HS6ST3: variants seen among roughly 807,000 people sequenced by gnomAD.
HS6ST3 encodes the protein heparan-sulfate 6-O-sulfotransferase 3.
HS6ST3 carries 12 observed loss-of-function variants against 36.7 expected under a neutral mutation model. The ratio of observed to expected loss-of-function variants is 0.33; its 90% confidence interval spans 0.21 to 0.53. The LOEUF is 0.53. Ranked by LOEUF, HS6ST3 falls within the 20% of genes least tolerant of loss-of-function variation. The pLI, the probability that HS6ST3 is intolerant of heterozygous loss-of-function variation, is 0.95. For missense variants in HS6ST3, 584 were observed against 640.9 expected, an observed-to-expected ratio of 0.91 and a Z score of 0.96; for synonymous variants, 240 against 257.5, an observed-to-expected ratio of 0.93 and a Z score of 0.65.
chr13:96,626,707 A>G (rs2056513615), intron 1 of HS6ST3, among the ~76,000 whole-genome samples: 1 of 152,074 alleles, frequency 6.6e-6, no homozygotes, highest in African/African-American at 2.4e-5. Context: ...TGACATTTCT[A>G]TCAAATTTTT....
At chr13:96,117,407 TAAAG>T in intron 1 of HS6ST3, among the ~76,000 whole-genome samples, 1 of 152,114 alleles carries the variant, frequency 6.6e-6, no homozygotes, top group Non-Finnish European at 1.5e-5. Flanking sequence ...ACATTTAAAA[TAAAG>T]AAAACCAGTT....
chr13:96,540,826 CAG>C (rs1195430829), intron 1 of HS6ST3, among the ~76,000 whole-genome samples: 1 of 152,158 alleles, frequency 6.6e-6, no homozygotes, highest in African/African-American at 2.4e-5. Context: ...AGATCTGACA[CAG>C]AGTCTTCCAC....
chr13:96,161,351 T>TGGGACGTGGAAGTGAAA (rs2054134950), intron 1 of HS6ST3, among the ~76,000 whole-genome samples: 1 of 152,106 alleles, frequency 6.6e-6, no homozygotes, highest in South Asian at 2.1e-4. Context: ...GACAAGTGAA[T>TGGGACGTGGAAGTGAAA]GGGACGTGGA....
chr13:96,754,097 G>A (rs2138494567), intron 1 of HS6ST3, among the ~76,000 whole-genome samples: 1 of 152,278 alleles, frequency 6.6e-6, no homozygotes, highest in South Asian at 2.1e-4. Context: ...GGGATTACAG[G>A]CGTGAGCCAC....
intron 1 of HS6ST3, among the ~76,000 whole-genome samples, chr13:96,159,863 A>G (rs1207982082): frequency 2.0e-5 from 3 of 152,176 alleles, no homozygotes; most frequent in Non-Finnish European, 4.4e-5. Flanking sequence ...CAGTGTCCAC[A>G]GTGGGTAGAA....
At chr13:96,706,824 T>C (rs1875440241) in intron 1 of HS6ST3, among the ~76,000 whole-genome samples, 1 of 152,126 alleles carries the variant, frequency 6.6e-6, no homozygotes, top group African/African-American at 2.4e-5. Flanking sequence ...TAGTTCTGAT[T>C]GTACCAATAG....
At chr13:96,641,826 G>T (rs1358028650) in intron 1 of HS6ST3, among the ~76,000 whole-genome samples, 2 of 151,572 alleles carry the variant, frequency 1.3e-5, no homozygotes, top group African/African-American at 2.4e-5. Flanking sequence ...TATTGTAAAA[G>T]AAATTATATA....
chr13:96,662,518 GTGT>G (rs775475644), intron 1 of HS6ST3, among the ~76,000 whole-genome samples: 202 of 854 alleles, frequency 0.24, 1 homozygote, highest in Middle Eastern at 0.5. Flanking sequence ...TGTATGGGGT[GTGT>G]GTGTGTGTGT....
chr13:96,388,196 A>G (rs2055377874), intron 1 of HS6ST3, among the ~76,000 whole-genome samples: 2 of 152,220 alleles, frequency 1.3e-5, no homozygotes, highest in South Asian at 4.1e-4. Context: ...TTGTGAACAA[A>G]TTCTATATGG....
chr13:96,535,557 C>CAAA (rs5805976), intron 1 of HS6ST3, among the ~76,000 whole-genome samples: 22 of 125,178 alleles, frequency 1.8e-4, no homozygotes, highest in Admixed American at 4.2e-4. Context: ...GACTCTGTTT[C>CAAA]AAAAAAAAAA....
chr13:96,343,997 C>T (rs1033018245), intron 1 of HS6ST3, among the ~76,000 whole-genome samples: 3 of 152,184 alleles, frequency 2.0e-5, no homozygotes, highest in Non-Finnish European at 4.4e-5. Flanking sequence ...CTGCCTCAGC[C>T]TTCCAAAGTG....
intron 1 of HS6ST3, among the ~76,000 whole-genome samples, chr13:96,582,415 T>A (rs1184910646): frequency 6.6e-6 from 1 of 152,204 alleles, no homozygotes; most frequent in African/African-American, 2.4e-5. Context: ...ATTTGCAAAG[T>A]TTATTAGTTC....
At chr13:96,681,410 C>A (rs2056717841) in intron 1 of HS6ST3, among the ~76,000 whole-genome samples, 4 of 152,046 alleles carry the variant, frequency 2.6e-5, no homozygotes, top group Admixed American at 2.0e-4. Context: ...TATGTCTTTT[C>A]ATTCCCACTG....
At chr13:96,233,077 T>G (rs1002370545) in intron 1 of HS6ST3, among the ~76,000 whole-genome samples, 2 of 152,210 alleles carry the variant, frequency 1.3e-5, no homozygotes, top group Non-Finnish European at 2.9e-5. Flanking sequence ...GATTGATACA[T>G]TGCCTTTTTA....
chr13:96,554,316 T>G (rs903515416), intron 1 of HS6ST3, among the ~76,000 whole-genome samples: 1 of 152,158 alleles, frequency 6.6e-6, no homozygotes, highest in Non-Finnish European at 1.5e-5. Context: ...TGTATAATAA[T>G]TAAAATTTAT....
At chr13:96,113,961 T>C (rs76769725) in intron 1 of HS6ST3, among the ~76,000 whole-genome samples, 4,010 of 152,176 alleles carry the variant, frequency 0.026, 65 homozygotes, top group Non-Finnish European at 0.034. Context: ...ATGATAATTA[T>C]GAAGAGCCGC....
At chr13:96,608,599 T>A (rs894879417) in intron 1 of HS6ST3, among the ~76,000 whole-genome samples, 1 of 152,212 alleles carries the variant, frequency 6.6e-6, no homozygotes, top group Non-Finnish European at 1.5e-5. Flanking sequence ...TAGGTCAAAT[T>A]GTCTGGGTTT....
chr13:96,169,578 G>A (rs2054177688), intron 1 of HS6ST3: 1 of 152,450 alleles, frequency 6.6e-6, no homozygotes, highest in Non-Finnish European at 1.5e-5. Flanking sequence ...GGCACCTGTA[G>A]TCTCAGCTAC....
At chr13:96,205,374 T>C (rs763280917) in intron 1 of HS6ST3, among the ~76,000 whole-genome samples, 34 of 152,150 alleles carry the variant, frequency 2.2e-4, no homozygotes, top group Non-Finnish European at 3.4e-4. Flanking sequence ...TCATCCAGAT[T>C]CACAGCTGAA....
Sources: allele counts gnomAD v4.1 joint callset (sites outside exome capture counted in the v4.1 genomes callset), GRCh38; gene constraint gnomAD v4.1.1; transcripts MANE v1.5; gene names NCBI Gene and HGNC (gene_info 2026-07-23, HGNC 2026-07-21).